Variants in C11orf65 observed in about 807,000 individuals in gnomAD.
C11orf65 encodes chromosome 11 open reading frame 65.
Under a neutral mutation model 35.3 loss-of-function variants are expected in C11orf65, and 38 were observed. The ratio of observed to expected loss-of-function variants is 1.08; its 90% confidence interval spans 0.83 to 1.41. The LOEUF (loss-of-function observed/expected upper bound fraction) is 1.41, where lower values mean the gene tolerates loss of function less well. C11orf65 is among the 40% of genes most tolerant of loss of function. C11orf65 has a pLI of 0.00. For synonymous variants in C11orf65, 105 were observed against 114.4 expected (o/e 0.92, Z 0.53); for missense variants, 370 against 367.1 (o/e 1.01, Z -0.06).
At chr11:108,368,103 G>C (rs2091426005) in intron 2 of C11orf65, 1 of 207,598 alleles carries the variant, frequency 4.8e-6, no homozygotes, top group African/African-American at 2.3e-5. Flanking sequence ...CTCCTGTTCT[G>C]TTCAAGTATT....
At chr11:108,406,997 T>C (rs72992132) in intron 4 of C11orf65, 34 bp from the exon 5 acceptor site, 23,949 of 1,574,788 alleles carry the variant, frequency 0.015, 217 homozygotes, top group Non-Finnish European at 0.018. Context: ...GCCATTGTAA[T>C]GTAACTACAA....
intron 2 of C11orf65, among the ~76,000 whole-genome samples, chr11:108,361,197 A>G (rs1208322184): frequency 1.8e-5 from 2 of 108,476 alleles, no homozygotes; most frequent in East Asian, 5.0e-4. Context: ...CCCATTCACA[A>G]TTGCTTCAAA....
At chr11:108,349,648 G>A (rs1330220921) in intron 2 of C11orf65, among the ~76,000 whole-genome samples, 2 of 152,090 alleles carry the variant, frequency 1.3e-5, no homozygotes, top group African/African-American at 4.8e-5. Flanking sequence ...GGGCGGCAGA[G>A]CAAGACTGTC....
chr11:108,409,656 CA>C (rs2092620336), intron 3 of C11orf65, among the ~76,000 whole-genome samples: 1 of 152,036 alleles, frequency 6.6e-6, no homozygotes, highest in African/African-American at 2.4e-5. Flanking sequence ...ACCCCCAGGC[CA>C]TGGACTGGTA....
intron 2 of C11orf65, chr11:108,368,455 TCTTTA>T: frequency 4.7e-6 from 1 of 213,500 alleles, no homozygotes; most frequent in Non-Finnish European, 9.5e-6. Flanking sequence ...GCATTTCTGA[TCTTTA>T]CTTTGCAAGA....
chr11:108,395,205 G>C (rs1470064334), intron 6 of C11orf65, among the ~76,000 whole-genome samples: 1 of 151,406 alleles, frequency 6.6e-6, no homozygotes, highest in Non-Finnish European at 1.5e-5. Flanking sequence ...AATCCATGTG[G>C]GATGGGCATG....
chr11:108,445,037 G>C (rs2093229705), intron 2 of C11orf65, among the ~76,000 whole-genome samples: 1 of 152,226 alleles, frequency 6.6e-6, no homozygotes, highest in Admixed American at 6.5e-5. Context: ...CAAACTGCAA[G>C]GCAGCAGCAA....
chr11:108,435,916 T>C (rs1054995044), intron 2 of C11orf65, among the ~76,000 whole-genome samples: 2 of 152,032 alleles, frequency 1.3e-5, no homozygotes, highest in African/African-American at 4.8e-5. Context: ...GAATTAGGAT[T>C]GCATTTGGAA....
intron 6 of C11orf65, among the ~76,000 whole-genome samples, chr11:108,318,213 T>C (rs940112084): frequency 4.0e-5 from 6 of 151,754 alleles, no homozygotes; most frequent in African/African-American, 1.5e-4. Context: ...ATACAAAAAA[T>C]TAGCCAGGCG....
At chr11:108,348,250 GAA>G (rs1401152223) in intron 2 of C11orf65, among the ~76,000 whole-genome samples, 2 of 151,638 alleles carry the variant, frequency 1.3e-5, no homozygotes, top group African/African-American at 4.8e-5. Context: ...TAATATAAAA[GAA>G]AGAGAATATA....
intron 2 of C11orf65, among the ~76,000 whole-genome samples, chr11:108,360,273 G>GT (rs201068670): frequency 0.52 from 78,018 of 149,810 alleles, 20,855 homozygotes; most frequent in Middle Eastern, 0.73. Context: ...GAATAGACCA[G>GT]TAACAGGAGC....
chr11:108,468,083 C>G (rs2093558573), upstream of C11orf65, among the ~76,000 whole-genome samples: 1 of 152,144 alleles, frequency 6.6e-6, no homozygotes, highest in South Asian at 2.1e-4. Flanking sequence ...CCCCCCCTAC[C>G]CCATCTCCCG....
chr11:108,312,946 C>T (rs1467558484), intron 6 of C11orf65, among the ~76,000 whole-genome samples: 3 of 152,164 alleles, frequency 2.0e-5, no homozygotes, highest in South Asian at 4.1e-4. Flanking sequence ...CTTTGGTCAA[C>T]TCATTCCTCC....
Position 108,345,724 on chromosome 11 carries a change from A to G in C11orf65, c.227-10432T>C, listed in dbSNP as rs12279930. 1.4e-3 allele frequency: 2,214 copies of G among 1,532,168 alleles called. 27 individuals carry two copies. The African/African-American group carries it at 0.026, about 18-fold the overall frequency. The allele number at this position is 1,532,168 out of a possible 1,614,324, so 94.9% of individuals were successfully genotyped here. A position where few individuals can be genotyped will look rare whatever the true frequency, so the allele number is the denominator to read the frequency against. On this transcript the variant is annotated intron_variant, in intron 2 of 3. Transcript: ENST00000524755. The stretch of plus-strand genomic sequence containing the variant: ...GAACACAATATTGAAAAATAATTAT[A>G]TATATTCTCTATTTAAAGGAGGTGC...
chr11:108,332,551 A>C (rs2086376640), intron 3 of C11orf65, among the ~76,000 whole-genome samples: 1 of 152,198 alleles, frequency 6.6e-6, no homozygotes, highest in Non-Finnish European at 1.5e-5. Context: ...AAAGTGAAAC[A>C]ATAGATTTTG....
At chr11:108,357,424 G>A (rs998858505) in intron 2 of C11orf65, among the ~76,000 whole-genome samples, 6 of 152,206 alleles carry the variant, frequency 3.9e-5, no homozygotes, top group South Asian at 2.1e-4. Flanking sequence ...CGGGAAGCTC[G>A]AACTGGGTGG....
chr11:108,459,607 A>T (rs1482873258), intron 2 of C11orf65, among the ~76,000 whole-genome samples: 1 of 152,176 alleles, frequency 6.6e-6, no homozygotes, highest in Non-Finnish European at 1.5e-5. Context: ...TTTTCCAAAA[A>T]TTAGATAAAA....
At chr11:108,359,443 G>A (rs1444827843) in intron 2 of C11orf65, among the ~76,000 whole-genome samples, 4 of 151,980 alleles carry the variant, frequency 2.6e-5, no homozygotes, top group Non-Finnish European at 5.9e-5. Context: ...GCACCAAGCG[G>A]ACCTAATAGA....
At chr11:108,391,400 A>C (rs770238491) in intron 7 of C11orf65, among the ~76,000 whole-genome samples, 3 of 151,982 alleles carry the variant, frequency 2.0e-5, no homozygotes, top group Non-Finnish European at 4.4e-5. Flanking sequence ...CTTTTTTTTG[A>C]GACGGAGTTT....
Sources: gnomAD v4.1 joint callset for allele counts (sites outside exome capture counted in the v4.1 genomes callset) on GRCh38, gnomAD v4.1.1 for gene constraint, MANE v1.5 for transcripts, NCBI Gene and HGNC (gene_info 2026-07-23, HGNC 2026-07-21) for gene names.